The following ZNF676 variants were observed in gnomAD, a reference collection of about 807,000 sequenced individuals.
ZNF676 encodes the protein zinc finger protein 676.
In ZNF676, 4 loss-of-function variants were observed where a neutral mutation model predicts 6.0. That is an observed-to-expected ratio of 0.67 (90% confidence interval 0.33 to 1.53). The LOEUF (loss-of-function observed/expected upper bound fraction) is 1.53, where lower values mean the gene tolerates loss of function less well. ZNF676 is among the 40% of genes most tolerant of loss of function. ZNF676 has a pLI of 0.06. For missense variants in ZNF676, 644 were observed against 679.7 expected (o/e 0.95, Z 0.58); for synonymous variants, 198 against 223.1 (o/e 0.89, Z 1.00).
chr19:22,232,657 A>C, the ZNF676 span, among the ~76,000 whole-genome samples: 2 of 152,056 alleles, frequency 1.3e-5, no homozygotes, highest in African/African-American at 4.8e-5. Flanking sequence ...TTGATAGACC[A>C]CCTGTTAGGC....
chr19:22,232,421 C>A, the ZNF676 span, among the ~76,000 whole-genome samples: 1 of 152,154 alleles, frequency 6.6e-6, no homozygotes, highest in African/African-American at 2.4e-5. Flanking sequence ...CTGCCTTGTC[C>A]TTCCAGAGTG....
chr19:22,188,673 G>GA (rs2023868306), intron 2 of ZNF676, among the ~76,000 whole-genome samples: 1 of 152,070 alleles, frequency 6.6e-6, no homozygotes, highest in Admixed American at 6.6e-5. Context: ...TCTCAGGATA[G>GA]AAAATCAATG....
chr19:22,258,378 C>T, the ZNF676 span, among the ~76,000 whole-genome samples: 1 of 152,042 alleles, frequency 6.6e-6, no homozygotes, highest in Admixed American at 6.6e-5. Flanking sequence ...TGTTTGAGAG[C>T]AGGACCAAGG....
chr19:22,191,611 A>G (rs1233688716), intron 2 of ZNF676, among the ~76,000 whole-genome samples: 5 of 152,270 alleles, frequency 3.3e-5, no homozygotes, highest in Admixed American at 3.3e-4. Context: ...ACATCCTAAT[A>G]TAAAGCCCAC....
At chr19:22,243,058 A>G in the ZNF676 span, among the ~76,000 whole-genome samples, 15 of 151,930 alleles carry the variant, frequency 9.9e-5, no homozygotes, top group East Asian at 1.7e-3. Flanking sequence ...TCTCCCTTCT[A>G]TGGGCATGAT....
At chr19:22,216,685 C>A (rs995781804), upstream of ZNF676, among the ~76,000 whole-genome samples, 27 of 151,496 alleles carry the variant, frequency 1.8e-4, no homozygotes, top group Admixed American at 6.6e-5. Flanking sequence ...AGTGCAATGG[C>A]ATGATCTCAG....
exon 1 of ZNF676, chr19:22,215,691 G>C (rs2024176932): frequency 6.3e-7 from 1 of 1,592,836 alleles, no homozygotes; most frequent in South Asian, 1.1e-5. Flanking sequence ...ATACCTGCAG[G>C]TCATAGGGCC....
chr19:22,248,724 T>TTGTC, the ZNF676 span, among the ~76,000 whole-genome samples: 1 of 151,364 alleles, frequency 6.6e-6, no homozygotes, highest in African/African-American at 2.5e-5. Context: ...TTGTGGTTTT[T>TTGTC]TGTTTGTTTG....
At chr19:22,259,329 C>A in the ZNF676 span, among the ~76,000 whole-genome samples, 1 of 152,128 alleles carries the variant, frequency 6.6e-6, no homozygotes, top group Non-Finnish European at 1.5e-5. Flanking sequence ...ATGTCACAAC[C>A]AGCCCAGTGG....
chr19:22,218,843 T>C (rs2024220072), upstream of ZNF676, among the ~76,000 whole-genome samples: 3 of 152,142 alleles, frequency 2.0e-5, no homozygotes, highest in Admixed American at 6.5e-5. Context: ...ACCCATACAA[T>C]GCTGTTTTGG....
the ZNF676 span, among the ~76,000 whole-genome samples, chr19:22,257,354 A>C: frequency 6.6e-6 from 1 of 152,150 alleles, no homozygotes; most frequent in Non-Finnish European, 1.5e-5. Flanking sequence ...TCAAGGTAAA[A>C]GTCTCTTATC....
In ZNF676 at chr19:22,193,483, C is replaced by T. The variant is rs80327586; in HGVS notation, c.35-372G>A. ...TTTTCTGCTTGGGGTTTGGTTTGCA[C>T]GGTCCTACTGCCGCTGTCTCCTTCT... On this transcript the variant is annotated intron_variant, in intron 1 of 2. Transcript: ENST00000397121. 8.6e-3 allele frequency among the ~76,000 whole-genome samples: 1,308 copies of T among 152,106 alleles called. 18 individuals are homozygous for T. The highest frequency in any genetic ancestry group is 0.03 in the African/African-American group (1,234 of 41,504).
chr19:22,189,196 A>G (rs1408035089), intron 2 of ZNF676, among the ~76,000 whole-genome samples: 2 of 152,124 alleles, frequency 1.3e-5, no homozygotes, highest in Admixed American at 1.3e-4. Flanking sequence ...CTCAGAAATA[A>G]CCTCACACAT....
At chr19:22,251,537 C>G in the ZNF676 span, among the ~76,000 whole-genome samples, 1 of 152,166 alleles carries the variant, frequency 6.6e-6, no homozygotes, top group African/African-American at 2.4e-5. Flanking sequence ...TGCCTGTAAT[C>G]CCAGCACTTT....
At chr19:22,194,343 G>C (rs984660734) in intron 1 of ZNF676, among the ~76,000 whole-genome samples, 5 of 141,522 alleles carry the variant, frequency 3.5e-5, no homozygotes, top group Admixed American at 7.0e-5. Flanking sequence ...AATGCAGATT[G>C]CAAGTGTGCA....
At chr19:22,259,998 T>C in the ZNF676 span, among the ~76,000 whole-genome samples, 1 of 152,294 alleles carries the variant, frequency 6.6e-6, no homozygotes, top group African/African-American at 2.4e-5. Flanking sequence ...GCAATCCAAT[T>C]TGTCAGCTAA....
chr19:22,218,720 A>C (rs2024218734), upstream of ZNF676, among the ~76,000 whole-genome samples: 1 of 151,966 alleles, frequency 6.6e-6, no homozygotes. Context: ...ATAGGGTGTT[A>C]TTTCCCCACT....
the ZNF676 span, among the ~76,000 whole-genome samples, chr19:22,230,295 C>T: frequency 0.16 from 24,992 of 151,986 alleles, 2,645 homozygotes; most frequent in Middle Eastern, 0.25. Flanking sequence ...GGGAGTTGAA[C>T]AATGAGAATG....
At chr19:22,248,169 C>A in the ZNF676 span, among the ~76,000 whole-genome samples, 2 of 152,050 alleles carry the variant, frequency 1.3e-5, no homozygotes, top group African/African-American at 4.8e-5. Context: ...TGGGTTGGTT[C>A]CAAGTCTTTA....
Sources: gnomAD v4.1 joint callset for allele counts (sites outside exome capture counted in the v4.1 genomes callset) on GRCh38, gnomAD v4.1.1 for gene constraint, MANE v1.5 for transcripts, NCBI Gene and HGNC (gene_info 2026-07-23, HGNC 2026-07-21) for gene names.